Variants in LRP1 observed in about 807,000 individuals in gnomAD.
LRP1 encodes the protein LDL receptor related protein 1.
LRP1 carries 51 observed loss-of-function variants against 541.5 expected under a neutral mutation model. That is an observed-to-expected ratio of 0.09 (90% CI 0.08 to 0.12). The LOEUF (loss-of-function observed/expected upper bound fraction) is 0.12, where lower values mean the gene tolerates loss of function less well. Among genes scored for constraint, LRP1 ranks in the 10% least tolerant of loss-of-function variants. The pLI is 1.00. For synonymous variants in LRP1, 2,219 were observed against 2,470.8 expected (o/e 0.90, Z 3.02); for missense variants, 3,878 against 6,376.2 (o/e 0.61, Z 13.34).
intron 20 of LRP1, among the ~76,000 whole-genome samples, chr12:57,170,025 G>A (rs2035915496): frequency 6.6e-6 from 1 of 152,242 alleles, no homozygotes; most frequent in Non-Finnish European, 1.5e-5. Context: ...GGCAGGGTGG[G>A]TTCCTTCTGA....
intron 42 of LRP1, among the ~76,000 whole-genome samples, chr12:57,188,817 G>A (rs1012466397): frequency 3.9e-5 from 6 of 152,234 alleles, no homozygotes; most frequent in African/African-American, 1.4e-4. Context: ...CTGGAAGTCA[G>A]GGAACGTGTC....
In LRP1 at chr12:57,178,122, A is replaced by C. The variant is rs948710880; in HGVS notation, c.4362-237A>C. On this transcript the variant is annotated intron_variant, in intron 26 of 88. Transcript: ENST00000243077. This position sits in a 1 kb window ranked among gnomAD's most constrained non-coding sequence, Gnocchi z 5.8. ...CAGCAGCCCTGGGGAGAAGTGACCGAAAGATTCCCTTGGGGCTTGGGAATC... is the reference window on the plus strand; with the variant it reads ...CAGCAGCCCTGGGGAGAAGTGACCGCAAGATTCCCTTGGGGCTTGGGAATC... 2.0e-5 allele frequency among the ~76,000 whole-genome samples: 3 copies of C among 152,096 alleles called. No homozygotes were observed. Among genetic ancestry groups the C allele is most frequent in the African/African-American group, 7.2e-5 (3 of 41,408 alleles).
intron 6 of LRP1, chr12:57,149,124 G>A: frequency 2.0e-6 from 1 of 499,772 alleles, no homozygotes; most frequent in Non-Finnish European, 3.5e-6. Flanking sequence ...ACTGTGCTGG[G>A]CACCCCTGGA....
chr12:57,136,397 C>A (rs907570426), intron 1 of LRP1, among the ~76,000 whole-genome samples: 3 of 99,148 alleles, frequency 3.0e-5, no homozygotes, highest in African/African-American at 6.8e-5. Flanking sequence ...TCCTAAGAGC[C>A]CCCCCCCCCC....
chr12:57,211,399 G>C lies in LRP1; in HGVS notation c.13091+49G>C, dbSNP rs1487479036. ...TTCCACCCAGCTGGGCCCCTGCCCT[G>C]TCCTAGCCCTGCCCTGCCCCTCCCT... On this transcript the variant is annotated intron_variant, in intron 84 of 88. Transcript: ENST00000243077. This position sits in a 1 kb window ranked among gnomAD's most constrained non-coding sequence, Gnocchi z 4.3. 1 of 1,610,132 alleles carries C rather than the reference G, an allele frequency of 6.2e-7. No homozygotes were observed. The highest frequency in any genetic ancestry group is 1.7e-5 in the Admixed American group (1 of 59,972).
At position 57,201,425 on chromosome 12, in the gene LRP1, A is replaced by T. The variant is rs1592657562; in HGVS notation, c.10346-72A>T. ...GGACCAAGGCCAGGGCTTGGAAGAG[A>T]GAGAAGACAGTGATGGTGAACTGGA... On this transcript the variant is annotated intron_variant, in intron 65 of 88. Transcript: ENST00000243077. The surrounding 1 kb of genome is among the most constrained non-coding windows in gnomAD (Gnocchi z 6.4). The T allele has an allele frequency of 1.3e-6, 2 of 1,548,020 alleles. No homozygotes were observed. The highest frequency in any genetic ancestry group is 4.5e-5 in the East Asian group (2 of 44,250).
Position 57,197,729 on chromosome 12 carries a change from C to G in LRP1, c.9282+65C>G. The G allele has an allele frequency of 6.3e-7, 1 of 1,583,722 alleles. No homozygotes were observed. On this transcript the variant is annotated intron_variant, in intron 58 of 88. Transcript: ENST00000243077. The surrounding 1 kb of genome is among the most constrained non-coding windows in gnomAD (Gnocchi z 4.5). ...TCAGATGACTGTTTTCAGATCGTCTCTCCTTCCCGCCCCACCAACCCAAAT... is the reference window on the plus strand; with the variant it reads ...TCAGATGACTGTTTTCAGATCGTCTGTCCTTCCCGCCCCACCAACCCAAAT...
At position 57,191,439 on chromosome 12, in the gene LRP1, C is replaced by T. The variant is rs1220835116; in HGVS notation, c.7356C>T (p.Asn2452=). The change falls in exon 44 of 89, where the codon AAC becomes AAT. Residue 2452 remains asparagine, a synonymous_variant. Transcript: ENST00000243077. ...GGGCCAACAAGCACGTGGGCAGCAACATGAAGCTGCTGCGCGTGGACATCC... is the reference window on the plus strand; with the variant it reads ...GGGCCAACAAGCACGTGGGCAGCAATATGAAGCTGCTGCGCGTGGACATCC... ...VQRANKHVGS[N]MKLLRVDIPQ... is the part of the protein sequence containing the mutation. 1 of 1,612,976 alleles carries T rather than the reference C, an allele frequency of 6.2e-7. No homozygotes were observed. Among genetic ancestry groups the T allele is most frequent in the Non-Finnish European group, 8.5e-7 (1 of 1,179,204 alleles).
intron 11 of LRP1, 72 bp from the exon 12 acceptor site, chr12:57,159,753 G>A (rs1377369260): frequency 5.3e-6 from 8 of 1,520,868 alleles, no homozygotes; most frequent in South Asian, 2.3e-5. Context: ...ACCTGAGTCC[G>A]GGAGGGCCAG....
In LRP1 at chr12:57,180,729, G is replaced by A; in HGVS notation, c.5449G>A (p.Gly1817Ser). The A allele has an allele frequency of 1.2e-6, 2 of 1,614,092 alleles. No individual in the cohort carries two copies. The highest frequency in any genetic ancestry group is 1.7e-6 in the Non-Finnish European group (2 of 1,179,926). Residue 1817 changes from glycine (G) to serine (S), a missense_variant, in exon 33 of 89, where the codon GGC becomes AGC. Coordinates refer to ENST00000243077, the MANE Select transcript of LRP1 (RefSeq NM_002332.3). ...GATGGGCACATGCAGCAAGGCTGAC[G>A]GCTCGGGCTCCGTGGTCCTTCGGAA... ...EKMGTCSKAD[G>S]SGSVVLRNST...
chr12:57,140,551 G>A (rs2035268053), intron 2 of LRP1, among the ~76,000 whole-genome samples: 4 of 152,074 alleles, frequency 2.6e-5, no homozygotes, highest in Admixed American at 2.6e-4. Flanking sequence ...TGAACTTGCC[G>A]CCTTTCAAGT....
intron 1 of LRP1, among the ~76,000 whole-genome samples, chr12:57,135,445 C>A (rs1399576577): frequency 6.6e-6 from 1 of 152,228 alleles, no homozygotes; most frequent in Non-Finnish European, 1.5e-5. Flanking sequence ...AGCTCTCTCC[C>A]AGCTCTGAGT....
intron 20 of LRP1, among the ~76,000 whole-genome samples, chr12:57,170,792 G>C (rs545735565): frequency 6.6e-6 from 1 of 152,190 alleles, no homozygotes; most frequent in South Asian, 2.1e-4. Context: ...CTCCAGCCTG[G>C]GTGACAGAAT....
chr12:57,184,600 T>A lies in LRP1; in HGVS notation c.6186+148T>A, dbSNP rs2036232248. On this transcript the variant is annotated intron_variant, in intron 38 of 88. Transcript: ENST00000243077. This position sits in a 1 kb window ranked among gnomAD's most constrained non-coding sequence, Gnocchi z 7.8. Reference sequence around the variant, plus strand: ...AGCCCTCCACCCAGAGTAGGACTCCTGCTACCACAGAGATGATGGGCAGGG... The same window carrying A: ...AGCCCTCCACCCAGAGTAGGACTCCAGCTACCACAGAGATGATGGGCAGGG... The A allele has an allele frequency of 8.0e-7, 1 of 1,246,154 alleles. No homozygotes were observed. Among genetic ancestry groups the A allele is most frequent in the African/African-American group, 1.5e-5 (1 of 66,530 alleles). The allele number at this position is 1,246,154 out of a possible 1,614,324, so 77.2% of individuals were successfully genotyped here.
Position 57,154,168 on chromosome 12 carries a change from G to C in LRP1, c.842-40G>C. The C allele has an allele frequency of 6.3e-7, 1 of 1,588,368 alleles. No homozygotes were observed. The highest frequency in any genetic ancestry group is 1.1e-5 in the South Asian group (1 of 88,060). Reference sequence around the variant, plus strand: ...AAAGGGTGGGCATCTCTGCAAGAGGGCCTACCCCACCCCATGGCTCTTTCA... The same window carrying C: ...AAAGGGTGGGCATCTCTGCAAGAGGCCCTACCCCACCCCATGGCTCTTTCA... On this transcript the variant is annotated intron_variant, in intron 6 of 88. Transcript: ENST00000243077. This position sits in a 1 kb window ranked among gnomAD's most constrained non-coding sequence, Gnocchi z 4.6.
chr12:57,169,201 G>A lies in LRP1; in HGVS notation c.3057G>A (p.Gln1019=). Residue 1019 remains glutamine, a synonymous_variant, in exon 20 of 89, where the codon CAG becomes CAA. Transcript: ENST00000243077. Reference sequence around the variant, plus strand: ...GCAGCCACTCCTGTTCTAGCACCCAGTTCAAGTGCAACAGCGGGCGTTGCA... The same window carrying A: ...GCAGCCACTCCTGTTCTAGCACCCAATTCAAGTGCAACAGCGGGCGTTGCA... ...AGCSHSCSST[Q]FKCNSGRCIP... 3.7e-6 allele frequency: 6 copies of A among 1,614,038 alleles called. No homozygotes were observed. The highest frequency in any genetic ancestry group is 4.2e-6 in the Non-Finnish European group (5 of 1,179,974).
In LRP1 at chr12:57,211,626, C is replaced by T. The variant is rs779343729; in HGVS notation, c.13193+38C>T. 13 of 1,607,300 alleles carry T rather than the reference C, an allele frequency of 8.1e-6. No homozygotes were observed. The highest frequency in any genetic ancestry group is 1.3e-5 in the African/African-American group (1 of 74,828). On this transcript the variant is annotated intron_variant, in intron 85 of 88. Transcript: ENST00000243077. The surrounding 1 kb of genome is among the most constrained non-coding windows in gnomAD (Gnocchi z 4.3). ...CGGGCTTCACCCAGGCATAGATCATCGCTCCCTTCCCCAGATTTGAGCAGG... is the reference window on the plus strand; with the variant it reads ...CGGGCTTCACCCAGGCATAGATCATTGCTCCCTTCCCCAGATTTGAGCAGG...
intron 44 of LRP1, among the ~76,000 whole-genome samples, chr12:57,191,909 C>CCACACAGGACATGTA (rs1565744007): frequency 1.0e-3 from 1 of 984 alleles, no homozygotes; most frequent in Admixed American, 0.017. Context: ...CATACACACA[C>CCACACAGGACATGTA]CACCACACAC....
chr12:57,184,767 C>A lies in LRP1; in HGVS notation c.6187-72C>A. On this transcript the variant is annotated intron_variant, in intron 38 of 88. Coordinates refer to ENST00000243077, the MANE Select transcript of LRP1 (RefSeq NM_002332.3). This position sits in a 1 kb window ranked among gnomAD's most constrained non-coding sequence, Gnocchi z 7.8. ...AGGGCCTCACTCTGGCCCAGGCACTCCCTGCTGCCCCAGACATGGGGCTGG... is the reference window on the plus strand; with the variant it reads ...AGGGCCTCACTCTGGCCCAGGCACTACCTGCTGCCCCAGACATGGGGCTGG... 1 of 1,526,972 alleles carries A rather than the reference C, an allele frequency of 6.5e-7. No individual in the cohort carries two copies. Among genetic ancestry groups the A allele is most frequent in the Non-Finnish European group, 8.9e-7 (1 of 1,123,142 alleles). 94.6% of individuals were successfully genotyped at this position (1,526,972 alleles called of 1,614,324 possible).
Sources: allele counts gnomAD v4.1 joint callset (sites outside exome capture counted in the v4.1 genomes callset), GRCh38; gene constraint gnomAD v4.1.1; non-coding constraint Gnocchi (gnomAD v3.1); transcripts MANE v1.5; gene names NCBI Gene and HGNC (gene_info 2026-07-23, HGNC 2026-07-21).